Variants in LRRIQ3 observed in about 807,000 individuals in gnomAD.
LRRIQ3 encodes the protein leucine rich repeats and IQ motif containing 3, also known as leucine-rich repeat and IQ domain-containing protein 3.
Under a neutral mutation model 59.3 loss-of-function variants are expected in LRRIQ3, and 75 were observed. The observed-to-expected ratio is 1.26, with a 90% CI of 1.05 to 1.53. The LOEUF (loss-of-function observed/expected upper bound fraction) is 1.53. Among genes scored for constraint, LRRIQ3 ranks in the 40% most tolerant of loss-of-function variants. The pLI is 0.00. For missense variants in LRRIQ3, 831 were observed against 710.0 expected (o/e 1.17, Z -1.94); for synonymous variants, 250 against 231.3 (o/e 1.08, Z -0.73).
chr1:74,143,618 T>C (rs1647369603), intron 4 of LRRIQ3, among the ~76,000 whole-genome samples: 1 of 151,776 alleles, frequency 6.6e-6, no homozygotes. Flanking sequence ...ACTTTTAAGG[T>C]AGGAATTAAC....
At chr1:74,128,166 G>C (rs190396014) in intron 4 of LRRIQ3, among the ~76,000 whole-genome samples, 30 of 151,926 alleles carry the variant, frequency 2.0e-4, no homozygotes, top group African/African-American at 6.5e-4. Context: ...TTGACTTTTA[G>C]GTGTTTGATT....
intron 5 of LRRIQ3, chr1:74,084,197 A>T: frequency 4.5e-6 from 7 of 1,547,276 alleles, no homozygotes; most frequent in Non-Finnish European, 6.1e-6. Context: ...GTGAAAATTG[A>T]CCCATAATTT....
chr1:74,030,694 G>A (rs75015984), intron 7 of LRRIQ3, among the ~76,000 whole-genome samples: 125,472 of 151,814 alleles, frequency 0.83, 53,380 homozygotes, highest in East Asian at 0.97. Context: ...TCAGGACATA[G>A]GCATGGGCAA....
chr1:74,074,469 G>T (rs1046934564), intron 6 of LRRIQ3, among the ~76,000 whole-genome samples, 192 bp downstream of exon 6: 4 of 151,778 alleles, frequency 2.6e-5, no homozygotes, highest in African/African-American at 9.7e-5. Context: ...TTTTATACAC[G>T]GATTACATGT....
At chr1:74,136,394 C>T (rs534294555) in intron 4 of LRRIQ3, among the ~76,000 whole-genome samples, 25 of 151,998 alleles carry the variant, frequency 1.6e-4, no homozygotes, top group Admixed American at 5.3e-4. Flanking sequence ...CACAGTGTTC[C>T]GCCATCATTC....
intron 5 of LRRIQ3, among the ~76,000 whole-genome samples, chr1:74,091,197 A>G (rs963109760): frequency 6.6e-6 from 1 of 152,148 alleles, no homozygotes; most frequent in Non-Finnish European, 1.5e-5. Flanking sequence ...GTAAACATGG[A>G]ATAAAACAGG....
At chr1:74,138,400 G>T in intron 4 of LRRIQ3, 1 of 831,196 alleles carries the variant, frequency 1.2e-6, no homozygotes, top group Non-Finnish European at 1.5e-6. Flanking sequence ...TGCCCAGACT[G>T]TCTCCAAATA....
At chr1:74,138,528 A>G (rs1647167837) in intron 4 of LRRIQ3, 1 of 982,418 alleles carries the variant, frequency 1.0e-6, no homozygotes, top group Admixed American at 6.2e-5. Context: ...TATGAGAAAC[A>G]AAAGGAGAAA....
chr1:74,123,087 TA>T (rs1395065570), intron 4 of LRRIQ3, among the ~76,000 whole-genome samples: 1 of 152,156 alleles, frequency 6.6e-6, no homozygotes, highest in African/African-American at 2.4e-5. Flanking sequence ...CATTATTTCC[TA>T]ACTCTAGTTT....
chr1:74,051,060 C>G (rs555539208), intron 6 of LRRIQ3, among the ~76,000 whole-genome samples: 5 of 152,230 alleles, frequency 3.3e-5, no homozygotes, highest in Middle Eastern at 3.4e-3. Flanking sequence ...TAGAAAATTA[C>G]AGAGATGCAC....
Position 74,026,758 on chromosome 1 carries a change from A to G in LRRIQ3, c.*55T>C. ...TAGAGTATTATTTCAAATTCCTTCA[A>G]CTAAAAATAATGACTATAATTTAAG... On this transcript the variant is annotated 3_prime_UTR_variant, in exon 8 of 8. Coordinates refer to ENST00000354431, the MANE Select transcript of LRRIQ3 (RefSeq NM_001105659.2). The G allele has an allele frequency of 7.0e-7, 1 of 1,429,322 alleles. No individual in the cohort carries two copies. Among genetic ancestry groups the G allele is most frequent in the African/African-American group, 1.4e-5 (1 of 69,378 alleles). 88.5% of individuals were successfully genotyped at this position (1,429,322 alleles called of 1,614,324 possible). A position where few individuals can be genotyped will look rare whatever the true frequency, so the allele number is the denominator to read the frequency against.
chr1:74,048,702 T>G (rs1570025967), intron 6 of LRRIQ3, among the ~76,000 whole-genome samples: 1 of 152,242 alleles, frequency 6.6e-6, no homozygotes, highest in East Asian at 1.9e-4. Flanking sequence ...CCTTTGTGTT[T>G]GAGAGTTGTT....
chr1:74,152,139 TAA>T (rs1022526377), intron 4 of LRRIQ3, among the ~76,000 whole-genome samples: 5 of 151,612 alleles, frequency 3.3e-5, no homozygotes, highest in South Asian at 2.1e-4. Context: ...GAAAATTATA[TAA>T]GACATGTAAG....
chr1:74,040,951 C>G (rs1358907986), intron 7 of LRRIQ3, among the ~76,000 whole-genome samples: 2 of 152,064 alleles, frequency 1.3e-5, no homozygotes, highest in Non-Finnish European at 2.9e-5. Context: ...GATGATGATG[C>G]CATTTGTGAT....
intron 4 of LRRIQ3, among the ~76,000 whole-genome samples, chr1:74,139,582 C>T (rs1647194822): frequency 6.6e-6 from 1 of 151,896 alleles, no homozygotes; most frequent in East Asian, 1.9e-4. Flanking sequence ...AGTCTTCCCT[C>T]ATTAAAACTT....
At chr1:74,051,684 C>A (rs1301751575) in intron 6 of LRRIQ3, among the ~76,000 whole-genome samples, 1 of 152,134 alleles carries the variant, frequency 6.6e-6, no homozygotes, top group Non-Finnish European at 1.5e-5. Context: ...CTTAAGCAAC[C>A]ACTAATCTAC....
chr1:74,113,570 T>G (rs1037188480), intron 4 of LRRIQ3, among the ~76,000 whole-genome samples: 1 of 152,000 alleles, frequency 6.6e-6, no homozygotes, highest in Non-Finnish European at 1.5e-5. Context: ...AAATTAACTA[T>G]GGCTCTCTTA....
intron 4 of LRRIQ3, among the ~76,000 whole-genome samples, chr1:74,136,746 T>C (rs1280411856): frequency 6.6e-6 from 1 of 151,958 alleles, no homozygotes; most frequent in Non-Finnish European, 1.5e-5. Flanking sequence ...TTGCTAACTG[T>C]AAATGCAAAA....
At position 74,068,829 on chromosome 1, in the gene LRRIQ3, T is replaced by TA. The variant is rs542374561; in HGVS notation, c.997+5831dup. Among the ~76,000 whole-genome samples the TA allele has an allele frequency of 4.7e-3, 672 of 142,608 alleles. 2 individuals are homozygous for TA. Among genetic ancestry groups the TA allele is most frequent in the African/African-American group, 0.013 (504 of 39,220 alleles). The allele number at this position is 142,608 out of a possible 152,430, so 93.6% of individuals were successfully genotyped here. The stretch of plus-strand genomic sequence containing the variant: ...TCCAGCAAACAATTTAGGAGAATGG[T>TA]AAAAAAAAAAAGCACTGTTAAAATT... On this transcript the variant is annotated intron_variant, in intron 6 of 7. Transcript: ENST00000354431.
Sources: gnomAD v4.1 joint callset for allele counts (sites outside exome capture counted in the v4.1 genomes callset) on GRCh38, gnomAD v4.1.1 for gene constraint, MANE v1.5 for transcripts, NCBI Gene and HGNC (gene_info 2026-07-23, HGNC 2026-07-21) for gene names.